The following EFR3B variants were observed in gnomAD, a reference collection of about 807,000 sequenced individuals.
EFR3B encodes the protein EFR3 homolog B.
EFR3B carries 64 observed loss-of-function variants against 104.7 expected under a neutral mutation model. That is an observed-to-expected ratio of 0.61 (90% confidence interval 0.50 to 0.75). The LOEUF is 0.75. Ranked by LOEUF, EFR3B falls within the 30% of genes least tolerant of loss-of-function variation. EFR3B has a pLI of 0.00. For missense variants in EFR3B, 750 were observed against 1,078.5 expected (o/e 0.70, Z 4.27); for synonymous variants, 385 against 417.9 (o/e 0.92, Z 0.96).
chr2:25,085,877 C>G (rs1668937959), intron 1 of EFR3B, among the ~76,000 whole-genome samples: 1 of 151,158 alleles, frequency 6.6e-6, no homozygotes, highest in Non-Finnish European at 1.5e-5. Flanking sequence ...TCCTTGGAGC[C>G]TTTTTCTGGG....
intron 19 of EFR3B, among the ~76,000 whole-genome samples, chr2:25,149,177 G>A (rs1044330181): frequency 2.0e-5 from 3 of 151,566 alleles, no homozygotes; most frequent in South Asian, 4.2e-4. Context: ...GGTGAAACCC[G>A]TCTCTACTAA....
chr2:25,133,968 C>T (rs1475656934), intron 12 of EFR3B, among the ~76,000 whole-genome samples: 1 of 152,182 alleles, frequency 6.6e-6, no homozygotes, highest in East Asian at 1.9e-4. Context: ...TATGATTCCT[C>T]AGAGGTTTTA....
chr2:25,133,013 G>C lies in EFR3B; in HGVS notation c.1258G>C (p.Gly420Arg), dbSNP rs1215126518. The change falls in exon 11 of 23, where the codon GGG becomes CGG. Residue 420 changes from glycine to arginine, a missense_variant and splice_region_variant. Gly to Arg is a moderately radical substitution (Grantham distance 125, BLOSUM62 -2). Coordinates refer to ENST00000403714, the MANE Select transcript of EFR3B (RefSeq NM_014971.2). ...LHQAVDTGRT[G>R]ENRNRLTQIM... ...CCAGGCGGTGGACACAGGCAGGACG[G>C]GGTGAGCCACCAATCTCCCCCAGCC... 6.4e-7 allele frequency: 1 copy of C among 1,551,278 alleles called. No homozygotes were observed. The highest frequency in any genetic ancestry group is 1.2e-5 in the South Asian group (1 of 84,052).
chr2:25,125,441 C>T (rs577616255), intron 5 of EFR3B, among the ~76,000 whole-genome samples: 69 of 152,260 alleles, frequency 4.5e-4, no homozygotes, highest in African/African-American at 1.5e-3. Context: ...TATTCCTGAT[C>T]GTTCATTCCC....
chr2:25,143,618 C>T (rs954975449), intron 17 of EFR3B, 117 bp from the exon 18 acceptor site: 19 of 1,306,438 alleles, frequency 1.5e-5, no homozygotes, highest in Middle Eastern at 1.9e-4. Context: ...CGAGATCGCA[C>T]CACCACACTC....
chr2:25,087,350 T>C (rs1668981187), intron 1 of EFR3B, among the ~76,000 whole-genome samples: 1 of 137,162 alleles, frequency 7.3e-6, no homozygotes, highest in South Asian at 2.5e-4. Context: ...ATATATAAAA[T>C]CTTCATATAT....
At position 25,139,210 on chromosome 2, in the gene EFR3B, A is replaced by G. The variant is rs1286576480; in HGVS notation, c.1854+20A>G. The G allele has an allele frequency of 3.2e-6, 5 of 1,548,446 alleles. No individual in the cohort carries two copies. Among genetic ancestry groups the G allele is most frequent in the East Asian group, 2.4e-5 (1 of 40,868 alleles). ...CATGAGGTTGGTGTTCTCACGACCA[A>G]GAGCTCAGGGGGCCCTCAACTTGGG... On this transcript the variant is annotated intron_variant, in intron 16 of 22. Transcript: ENST00000403714.
rs950890371 is a variant in EFR3B, at chr2:25,091,264, C to T, written c.8-61C>T. The T allele has an allele frequency of 4.6e-6, 7 of 1,515,272 alleles. No individual in the cohort carries two copies. In the African/African-American group the frequency reaches 8.3e-5, roughly 18 times the overall value. The allele number at this position is 1,515,272 out of a possible 1,614,324, so 93.9% of individuals were successfully genotyped here. Reference sequence around the variant, plus strand: ...CTCACAGGCTGCCCTGGCCCTGGCTCCAACCTTTCCTGGGCCCGACCAGGA... The same window carrying T: ...CTCACAGGCTGCCCTGGCCCTGGCTTCAACCTTTCCTGGGCCCGACCAGGA... On this transcript the variant is annotated intron_variant, in intron 1 of 22. Coordinates refer to ENST00000403714, the MANE Select transcript of EFR3B (RefSeq NM_014971.2).
chr2:25,052,411 A>G (rs1667896088), intron 1 of EFR3B, among the ~76,000 whole-genome samples: 1 of 151,598 alleles, frequency 6.6e-6, no homozygotes, highest in Non-Finnish European at 1.5e-5. Flanking sequence ...TGTATATTTC[A>G]GCCTCAGGTG....
At chr2:25,122,930 A>G (rs775413922) in intron 5 of EFR3B, among the ~76,000 whole-genome samples, 26 of 152,178 alleles carry the variant, frequency 1.7e-4, no homozygotes, top group Non-Finnish European at 4.4e-5. Context: ...TGTTGAGTGA[A>G]TAACAGAATG....
chr2:25,130,726 C>A lies in EFR3B; in HGVS notation c.849+96C>A. 8.5e-7 allele frequency: 1 copy of A among 1,169,846 alleles called. No individual in the cohort carries two copies. The highest frequency in any genetic ancestry group is 1.2e-6 in the Non-Finnish European group (1 of 804,432). The allele number at this position is 1,169,846 out of a possible 1,614,324, so 72.5% of individuals were successfully genotyped here. A position where few individuals can be genotyped will look rare whatever the true frequency, so the allele number is the denominator to read the frequency against. On this transcript the variant is annotated intron_variant, in intron 8 of 22. Coordinates refer to ENST00000403714, the MANE Select transcript of EFR3B (RefSeq NM_014971.2). The surrounding 1 kb of genome is among the most constrained non-coding windows in gnomAD (Gnocchi z 4.6). ...ATAGAAAGCCAGAAGTCCCCTGTGA[C>A]TCCTCCGAAGCCCCCAGTTGCCGAA...
intron 4 of EFR3B, among the ~76,000 whole-genome samples, chr2:25,111,574 C>T (rs964143871): frequency 2.0e-5 from 3 of 152,302 alleles, no homozygotes; most frequent in African/African-American, 7.2e-5. Context: ...GTGAATGCCA[C>T]CTTATATGAC....
chr2:25,092,758 C>A (rs1391572714), intron 2 of EFR3B, among the ~76,000 whole-genome samples: 2 of 151,684 alleles, frequency 1.3e-5, no homozygotes, highest in Non-Finnish European at 2.9e-5. Context: ...CCATGTTGGC[C>A]AGGCCGGTCT....
rs946339746 is a variant in EFR3B, at chr2:25,128,286, G to A, written c.589G>A (p.Val197Ile). The A allele has an allele frequency of 4.5e-6, 7 of 1,551,750 alleles. No homozygotes were observed. Among genetic ancestry groups the A allele is most frequent in the South Asian group, 2.4e-5 (2 of 84,064 alleles). The change falls in exon 6 of 23, where the codon GTT becomes ATT. Residue 197 changes from valine (V) to isoleucine (I), a missense_variant. Physicochemically the swap from Val to Ile is conservative, Grantham distance 29 (BLOSUM62 3). Coordinates refer to ENST00000403714, the MANE Select transcript of EFR3B (RefSeq NM_014971.2). Reference protein sequence around the residue: ...IWDPQHMDKIVPSLLFNLQHV... With the variant: ...IWDPQHMDKIIPSLLFNLQHV... ...GGACCCACAGCACATGGATAAGATC[G>A]TTCCATCACTGCTTTTCAATCTACA...
intron 4 of EFR3B, among the ~76,000 whole-genome samples, chr2:25,116,351 C>A (rs969035816): frequency 6.6e-6 from 1 of 152,138 alleles, no homozygotes; most frequent in South Asian, 2.1e-4. Flanking sequence ...AGGCCAGGTG[C>A]GGTGGCTCAT....
chr2:25,103,521 G>A (rs940856706), intron 3 of EFR3B, 116 bp from the exon 4 acceptor site: 1 of 1,382,222 alleles, frequency 7.2e-7, no homozygotes, highest in Non-Finnish European at 9.7e-7. Flanking sequence ...CTGTGGGGGA[G>A]CCTCATTACC....
chr2:25,121,818 G>A (rs1436298075), intron 5 of EFR3B, 24 bp downstream of exon 5: 3 of 1,551,770 alleles, frequency 1.9e-6, no homozygotes. Context: ...GGCAAGGGTA[G>A]TTGGTTCAGC....
chr2:25,066,961 G>A (rs1256485471), intron 1 of EFR3B, among the ~76,000 whole-genome samples: 1 of 152,134 alleles, frequency 6.6e-6, no homozygotes, highest in African/African-American at 2.4e-5. Context: ...ATTTTGTGAG[G>A]AGTTTTATCC....
In EFR3B at chr2:25,137,356, T is replaced by C; in HGVS notation, c.1576T>C (p.Tyr526His). ...CTGTCCCCAGCACTCCCAGCAGCTC[T>C]ACAGACACATCTACCTGAGCTGCAA... ...VFMKKHSQQLYRHIYLSCKEE... is the reference protein window; with the variant it reads ...VFMKKHSQQLHRHIYLSCKEE... The change falls in exon 15 of 23, where the codon TAC becomes CAC. Residue 526 changes from tyrosine to histidine, a missense_variant. Tyr to His is a moderately conservative substitution (Grantham distance 83). Coordinates refer to ENST00000403714, the MANE Select transcript of EFR3B (RefSeq NM_014971.2). The surrounding 1 kb of genome is among the most constrained non-coding windows in gnomAD (Gnocchi z 4.7). The C allele has an allele frequency of 6.4e-7, 1 of 1,552,124 alleles. No individual in the cohort carries two copies. Among genetic ancestry groups the C allele is most frequent in the Non-Finnish European group, 8.7e-7 (1 of 1,147,112 alleles).
Sources: allele counts gnomAD v4.1 joint callset (sites outside exome capture counted in the v4.1 genomes callset), GRCh38; gene constraint gnomAD v4.1.1; non-coding constraint Gnocchi (gnomAD v3.1); transcripts MANE v1.5; gene names NCBI Gene and HGNC (gene_info 2026-07-23, HGNC 2026-07-21).